ATAD1: variants seen among roughly 807,000 people sequenced by gnomAD.
ATAD1 encodes the protein ATPase family AAA domain containing 1, also known as outer mitochondrial transmembrane helix translocase.
ATAD1 carries 18 observed loss-of-function variants against 42.7 expected under a neutral mutation model. The ratio of observed to expected loss-of-function variants is 0.42; its 90% confidence interval spans 0.29 to 0.63. The LOEUF (loss-of-function observed/expected upper bound fraction) is 0.63, where lower values mean the gene tolerates loss of function less well. Ranked by LOEUF, ATAD1 falls within the 20% of genes least tolerant of loss-of-function variation. The probability of loss-of-function intolerance (pLI) is 0.19; values close to 1 mark genes in which losing one functional copy is unlikely to be tolerated. For missense variants in ATAD1, 294 were observed against 440.4 expected (o/e 0.67, Z 2.98); for synonymous variants, 132 against 143.1 (o/e 0.92, Z 0.55).
chr10:87,760,293 C>T (rs964553237), intron 8 of ATAD1, among the ~76,000 whole-genome samples: 1 of 151,978 alleles, frequency 6.6e-6, no homozygotes, highest in African/African-American at 2.4e-5. Flanking sequence ...ACAGACTTCC[C>T]CCTTGTTCTC....
chr10:87,827,288 A>G (rs990614253), intron 1 of ATAD1, among the ~76,000 whole-genome samples: 9 of 152,348 alleles, frequency 5.9e-5, no homozygotes, highest in East Asian at 1.9e-4. Flanking sequence ...ACAGTACTCA[A>G]TGAGAGGTAC....
At chr10:87,789,947 TG>T (rs1856016962) in intron 4 of ATAD1, among the ~76,000 whole-genome samples, 1 of 151,648 alleles carries the variant, frequency 6.6e-6, no homozygotes, top group Admixed American at 6.6e-5. Context: ...ATAAGATCGT[TG>T]GAGCTGTGAA....
chr10:87,830,539 T>C (rs1857810031), intron 1 of ATAD1, among the ~76,000 whole-genome samples: 1 of 152,204 alleles, frequency 6.6e-6, no homozygotes, highest in African/African-American at 2.4e-5. Flanking sequence ...GAATGAATCA[T>C]GTTTAACTGA....
chr10:87,791,637 T>C (rs947719365), intron 3 of ATAD1, among the ~76,000 whole-genome samples: 23 of 152,214 alleles, frequency 1.5e-4, no homozygotes, highest in Admixed American at 4.6e-4. Flanking sequence ...TATTAAGACA[T>C]TGCAGACTTT....
upstream of ATAD1, among the ~76,000 whole-genome samples, chr10:87,820,236 AG>A (rs905034097): frequency 6.6e-6 from 1 of 152,202 alleles, no homozygotes; most frequent in Non-Finnish European, 1.5e-5. Flanking sequence ...CAGGGCTAAA[AG>A]GGGGAGGGTC....
chr10:87,777,929 A>G (rs542024317), intron 5 of ATAD1, among the ~76,000 whole-genome samples: 38 of 152,266 alleles, frequency 2.5e-4, no homozygotes, highest in African/African-American at 8.9e-4. Context: ...TCATTGGACT[A>G]TAATTCAAAC....
chr10:87,781,126 T>C (rs1014858175), intron 5 of ATAD1, among the ~76,000 whole-genome samples: 1 of 152,040 alleles, frequency 6.6e-6, no homozygotes, highest in Non-Finnish European at 1.5e-5. Flanking sequence ...AATTCTCATA[T>C]AAAAGCAAGC....
intron 4 of ATAD1, among the ~76,000 whole-genome samples, chr10:87,787,084 A>G (rs1855873820): frequency 2.0e-5 from 3 of 152,232 alleles, no homozygotes; most frequent in Admixed American, 2.0e-4. Context: ...CACAGTGATA[A>G]TAATTACGAT....
chr10:87,785,729 TAAA>T lies in ATAD1; in HGVS notation c.383-1062_383-1060del, dbSNP rs140795862. Reference sequence around the variant, plus strand: ...GAAAATTCCCAAAAATATCTCAATTTAAAAAAAAAAAGAAATCTGCACCTGATT... The same window carrying T: ...GAAAATTCCCAAAAATATCTCAATTTAAAAAAAAGAAATCTGCACCTGATT... On this transcript the variant is annotated intron_variant, in intron 4 of 9. Coordinates refer to ENST00000680024, the MANE Select transcript of ATAD1 (RefSeq NM_001321967.2). Among the ~76,000 whole-genome samples, 930 of 145,386 alleles carry T rather than the reference TAAA, an allele frequency of 6.4e-3. 9 individuals carry two copies. The highest frequency in any genetic ancestry group is 0.018 in the South Asian group (83 of 4,620).
chr10:87,823,985 A>G (rs1197668584), intron 1 of ATAD1, among the ~76,000 whole-genome samples: 1 of 152,250 alleles, frequency 6.6e-6, no homozygotes, highest in African/African-American at 2.4e-5. Context: ...TTCTAAGCAC[A>G]AGTACACTAA....
chr10:87,840,212 A>G (rs891230354), intron 1 of ATAD1, among the ~76,000 whole-genome samples: 1 of 152,256 alleles, frequency 6.6e-6, no homozygotes, highest in African/African-American at 2.4e-5. Flanking sequence ...GGCTGGATGC[A>G]GTGGCTCATG....
At chr10:87,796,343 C>T (rs887188471) in intron 2 of ATAD1, among the ~76,000 whole-genome samples, 3 of 152,144 alleles carry the variant, frequency 2.0e-5, no homozygotes, top group Non-Finnish European at 2.9e-5. Flanking sequence ...CAAAGTCACC[C>T]CTCTGGCTCA....
At chr10:87,799,910 T>C (rs1564769328) in intron 2 of ATAD1, among the ~76,000 whole-genome samples, 1 of 151,712 alleles carries the variant, frequency 6.6e-6, no homozygotes, top group Non-Finnish European at 1.5e-5. Context: ...TAAAGAAAGT[T>C]GTAAAAATAA....
chr10:87,770,993 T>C lies in ATAD1; in HGVS notation c.739A>G (p.Ile247Val). 1 of 1,613,648 alleles carries C rather than the reference T, an allele frequency of 6.2e-7. No individual in the cohort carries two copies. The highest frequency in any genetic ancestry group is 8.5e-7 in the Non-Finnish European group (1 of 1,179,716). Residue 247 changes from isoleucine (I) to valine (V), a missense_variant, in exon 7 of 10, where the codon ATA becomes GTA. Ile to Val is a conservative substitution (Grantham distance 29). Coordinates refer to ENST00000680024, the MANE Select transcript of ATAD1 (RefSeq NM_001321967.2). Reference sequence around the variant, plus strand: ...AATCTTGTAGGCATTCTTCTCATTATAGCCGAGTCAAGGTCCTGAGGACGA... The same window carrying C: ...AATCTTGTAGGCATTCTTCTCATTACAGCCGAGTCAAGGTCCTGAGGACGA... Reference protein sequence around the residue: ...TNRPQDLDSAIMRRMPTRFHI... With the variant: ...TNRPQDLDSAVMRRMPTRFHI...
intron 4 of ATAD1, among the ~76,000 whole-genome samples, 161 bp from the exon 5 acceptor site, chr10:87,784,831 T>G (rs1855750114): frequency 6.6e-6 from 1 of 152,210 alleles, no homozygotes; most frequent in African/African-American, 2.4e-5. Flanking sequence ...GAAAGGAAGA[T>G]GCCATGTTCT....
intron 2 of ATAD1, among the ~76,000 whole-genome samples, chr10:87,805,982 C>T (rs1589544207): frequency 6.6e-6 from 1 of 152,086 alleles, no homozygotes; most frequent in Non-Finnish European, 1.5e-5. Context: ...GCAACCTTCT[C>T]CTTCTTTGGC....
At chr10:87,776,615 T>C (rs1378887031) in intron 5 of ATAD1, among the ~76,000 whole-genome samples, 188 bp from the exon 6 acceptor site, 1 of 152,014 alleles carries the variant, frequency 6.6e-6, no homozygotes, top group African/African-American at 2.4e-5. Context: ...ACCACAGGTA[T>C]GTGCCACCAT....
At chr10:87,781,981 CATGCAA>C (rs1855585088) in intron 5 of ATAD1, among the ~76,000 whole-genome samples, 1 of 151,516 alleles carries the variant, frequency 6.6e-6, no homozygotes, top group Non-Finnish European at 1.5e-5. Context: ...AACATTGCAA[CATGCAA>C]ATATATACAA....
At chr10:87,808,612 A>G (rs915434807) in intron 2 of ATAD1, among the ~76,000 whole-genome samples, 4 of 152,160 alleles carry the variant, frequency 2.6e-5, no homozygotes, top group South Asian at 4.1e-4. Flanking sequence ...CATTTTATTA[A>G]AAGCTTTTCT....
Sources: allele counts gnomAD v4.1 joint callset (sites outside exome capture counted in the v4.1 genomes callset), GRCh38; gene constraint gnomAD v4.1.1; transcripts MANE v1.5; gene names NCBI Gene and HGNC (gene_info 2026-07-23, HGNC 2026-07-21).